Variants in SAMD4A observed in about 807,000 individuals in gnomAD.
SAMD4A encodes protein Smaug homolog 1.
A neutral mutation model predicts 81.3 loss-of-function variants in SAMD4A; 33 were observed. The ratio of observed to expected loss-of-function variants is 0.41; its 90% CI spans 0.31 to 0.54. SAMD4A has a LOEUF of 0.54. Ranked by LOEUF, SAMD4A falls within the 20% of genes least tolerant of loss-of-function variation. The pLI, the probability that SAMD4A is intolerant of heterozygous loss-of-function variation, is 0.37. For missense variants in SAMD4A, 854 were observed against 951.1 expected (o/e 0.90, Z 1.34); for synonymous variants, 389 against 382.1 (o/e 1.02, Z -0.21).
At chr14:54,774,756 G>A (rs553436437) in intron 9 of SAMD4A, among the ~76,000 whole-genome samples, 178 bp from the exon 10 acceptor site, 2 of 148,206 alleles carry the variant, frequency 1.3e-5, no homozygotes, top group Admixed American at 1.4e-4. Context: ...CAAGGCTGCA[G>A]TGAGCCTAGA....
intron 2 of SAMD4A, among the ~76,000 whole-genome samples, chr14:54,634,510 T>C (rs969082073): frequency 6.6e-6 from 1 of 151,696 alleles, no homozygotes; most frequent in East Asian, 1.9e-4. Flanking sequence ...TCATAAGGAG[T>C]GTGCAACCTA....
chr14:54,669,796 C>A (rs1405700863), intron 2 of SAMD4A, among the ~76,000 whole-genome samples: 1 of 152,162 alleles, frequency 6.6e-6, no homozygotes, highest in East Asian at 1.9e-4. Flanking sequence ...CGCTTAGTAG[C>A]ATGGAAAGAT....
At chr14:54,573,138 T>C (rs2033181888) in intron 2 of SAMD4A, among the ~76,000 whole-genome samples, 2 of 152,248 alleles carry the variant, frequency 1.3e-5, no homozygotes, top group South Asian at 2.1e-4. Flanking sequence ...TTTGTAATTT[T>C]CTTTGGGTCA....
chr14:54,596,679 C>T (rs2033918675), intron 2 of SAMD4A, among the ~76,000 whole-genome samples: 1 of 152,248 alleles, frequency 6.6e-6, no homozygotes, highest in Admixed American at 6.5e-5. Flanking sequence ...ACAAAGCACT[C>T]TGCCAGGGAG....
rs539260875 is a variant in SAMD4A at position 54,683,241 on chromosome 14, G to A, written c.197-18821G>A. On this transcript the variant is annotated intron_variant, in intron 2 of 12. Transcript: ENST00000554335. ...CCTTATAGGGATGGCTGAAAATACA[G>A]GTGCGAGCCTTTGTGAGGCAGGATA... Among the ~76,000 whole-genome samples, 10 of 152,358 alleles carry A rather than the reference G, an allele frequency of 6.6e-5. No individual in the cohort carries two copies. In the East Asian group the frequency reaches 1.5e-3, roughly 24 times the overall value.
At chr14:54,589,612 T>A (rs938745941) in intron 2 of SAMD4A, among the ~76,000 whole-genome samples, 1 of 152,202 alleles carries the variant, frequency 6.6e-6, no homozygotes, top group Non-Finnish European at 1.5e-5. Context: ...ATTCATTCAT[T>A]CACTAATTTT....
intron 2 of SAMD4A, among the ~76,000 whole-genome samples, chr14:54,659,186 A>G (rs1046265080): frequency 6.6e-6 from 1 of 152,208 alleles, no homozygotes; most frequent in Non-Finnish European, 1.5e-5. Context: ...TTTTATGCCC[A>G]GACACAGGCT....
intron 9 of SAMD4A, among the ~76,000 whole-genome samples, chr14:54,774,632 T>C (rs2038788386): frequency 6.8e-6 from 1 of 146,814 alleles, no homozygotes; most frequent in Non-Finnish European, 1.5e-5. Flanking sequence ...CTGGGCGACA[T>C]AGTGAGACTC....
intron 2 of SAMD4A, among the ~76,000 whole-genome samples, chr14:54,636,733 C>T (rs1417532036): frequency 1.3e-5 from 2 of 152,042 alleles, no homozygotes; most frequent in Admixed American, 6.6e-5. Flanking sequence ...AGAGAGGAGT[C>T]AGGAATTATC....
intron 6 of SAMD4A, among the ~76,000 whole-genome samples, chr14:54,759,694 C>G (rs1195422959): frequency 6.6e-6 from 1 of 152,246 alleles, no homozygotes; most frequent in Non-Finnish European, 1.5e-5. Flanking sequence ...CCCAGAGTCT[C>G]TGCTCTTAAT....
chr14:54,639,827 C>CACAT (rs1555338908), intron 2 of SAMD4A, among the ~76,000 whole-genome samples: 1 of 150,886 alleles, frequency 6.6e-6, no homozygotes, highest in African/African-American at 2.4e-5. Context: ...CACACACACA[C>CACAT]GTACACACCA....
intron 11 of SAMD4A, among the ~76,000 whole-genome samples, chr14:54,777,394 G>A (rs1208592248): frequency 6.6e-6 from 1 of 152,222 alleles, no homozygotes; most frequent in African/African-American, 2.4e-5. Flanking sequence ...CACAGCAGAG[G>A]GTGGAGAGAG....
intron 3 of SAMD4A, among the ~76,000 whole-genome samples, chr14:54,726,927 A>G (rs1460076670): frequency 2.0e-5 from 3 of 152,182 alleles, no homozygotes; most frequent in Non-Finnish European, 2.9e-5. Flanking sequence ...ACTGCATTCT[A>G]TAAAGTTGTT....
In SAMD4A at chr14:54,793,142, G is replaced by C. The variant is rs979449058; in HGVS notation, c.*4198G>C. 3 of 152,180 alleles carry C rather than the reference G, an allele frequency of 2.0e-5. No homozygotes were observed. Among genetic ancestry groups the C allele is most frequent in the African/African-American group, 7.2e-5 (3 of 41,440 alleles). The allele number at this position is 152,180 out of a possible 1,614,324, so 9.4% of individuals were successfully genotyped here. ...CTAATGTTTGAAGATGCTGTTCTTT[G>C]CAAGTGTACAGTTTTCAAATGTTGT... On this transcript the variant is annotated 3_prime_UTR_variant, in exon 13 of 13. Coordinates refer to ENST00000554335, the MANE Select transcript of SAMD4A (RefSeq NM_015589.6).
chr14:54,567,399 C>G (rs2032972354), intron 1 of SAMD4A, 61 bp downstream of exon 1: 1 of 152,922 alleles, frequency 6.5e-6, no homozygotes, highest in Non-Finnish European at 1.5e-5. Context: ...GCGGGACGCC[C>G]CCTCCCCTGG....
intron 2 of SAMD4A, chr14:54,652,749 AT>A (rs2035432284): frequency 6.6e-6 from 1 of 152,006 alleles, no homozygotes; most frequent in South Asian, 2.1e-4. Flanking sequence ...ATGGTACTAT[AT>A]TGTTCCCTTT....
chr14:54,724,040 G>GGAAGGAA (rs1555347582), intron 3 of SAMD4A, among the ~76,000 whole-genome samples: 39 of 150,890 alleles, frequency 2.6e-4, no homozygotes, highest in African/African-American at 9.2e-4. Context: ...AAGGAAGGAA[G>GGAAGGAA]GAAGGAAGGA....
chr14:54,707,083 C>T (rs963573034), intron 3 of SAMD4A, among the ~76,000 whole-genome samples: 1 of 149,472 alleles, frequency 6.7e-6, no homozygotes, highest in Non-Finnish European at 1.5e-5. Flanking sequence ...GATTGGGATT[C>T]AGTATTGATA....
chr14:54,729,095 C>T (rs1285792731), intron 3 of SAMD4A, among the ~76,000 whole-genome samples: 4 of 152,180 alleles, frequency 2.6e-5, no homozygotes, highest in African/African-American at 9.6e-5. Context: ...TGTAAAAGGA[C>T]ACCCTGATGA....
Sources: gnomAD v4.1 joint callset for allele counts (sites outside exome capture counted in the v4.1 genomes callset) on GRCh38, gnomAD v4.1.1 for gene constraint, MANE v1.5 for transcripts, NCBI Gene and HGNC (gene_info 2026-07-23, HGNC 2026-07-21) for gene names.